Variants in BOD1L2 observed in about 807,000 individuals in gnomAD.
BOD1L2 encodes biorientation of chromosomes in cell division 1 like 2.
A neutral mutation model predicts 5.3 loss-of-function variants in BOD1L2; 6 were observed. That is an observed-to-expected ratio of 1.14 (90% CI 0.62 to 2.25). The LOEUF is 2.25. Ranked by LOEUF, BOD1L2 falls within the 30% of genes most tolerant of loss-of-function variation. The pLI is 0.00. For synonymous variants in BOD1L2, 96 were observed against 96.3 expected (o/e 1.00, Z 0.02); for missense variants, 210 against 227.2 (o/e 0.92, Z 0.49).
In BOD1L2 at chr18:57,150,045, T is replaced by G. The variant is rs2048947045; in HGVS notation, c.*2214T>G. The G allele has an allele frequency of 6.6e-6, 1 of 152,196 alleles. No individual in the cohort carries two copies. Among genetic ancestry groups the G allele is most frequent in the African/African-American group, 2.4e-5 (1 of 41,440 alleles). The allele number at this position is 152,196 out of a possible 1,614,324, so 9.4% of individuals were successfully genotyped here. On this transcript the variant is annotated 3_prime_UTR_variant, in exon 1 of 1. Coordinates refer to ENST00000585477, the MANE Select transcript of BOD1L2 (RefSeq NM_001257964.2). ...TACAGGTTGCTCAGCAAATGTGAAT[T>G]TCAGAGAAACAACAGATACTCTCCT...
chr18:57,147,111 C>A lies in BOD1L2; in HGVS notation c.-202C>A. The A allele has an allele frequency of 1.4e-6, 1 of 706,672 alleles. No individual in the cohort carries two copies. The highest frequency in any genetic ancestry group is 1.8e-6 in the Non-Finnish European group (1 of 556,174). The allele number at this position is 706,672 out of a possible 1,614,324, so 43.8% of individuals were successfully genotyped here. ...CAGGCGGTTGCTGCCGCGTCTTCCA[C>A]AACCTCCGCGGTCTGGAGCTGGCCT... On this transcript the variant is annotated 5_prime_UTR_variant, in exon 1 of 1. Coordinates refer to ENST00000585477, the MANE Select transcript of BOD1L2 (RefSeq NM_001257964.2).
rs2048938121 is a variant in BOD1L2 at position 57,148,293 on chromosome 18, T to C, written c.*462T>C. The C allele has an allele frequency of 6.3e-6, 1 of 158,372 alleles. No individual in the cohort carries two copies. The highest frequency in any genetic ancestry group is 1.4e-5 in the Non-Finnish European group (1 of 71,252). The allele number at this position is 158,372 out of a possible 1,614,324, so 9.8% of individuals were successfully genotyped here. A position where few individuals can be genotyped will look rare whatever the true frequency, so the allele number is the denominator to read the frequency against. On this transcript the variant is annotated 3_prime_UTR_variant, in exon 1 of 1. Transcript: ENST00000585477. The stretch of plus-strand genomic sequence containing the variant: ...AATATTTGACAGTACTTATTTGATA[T>C]TGTCTCTCAGAGTTGCAAACTAGAT...
chr18:57,147,798 G>C lies in BOD1L2; in HGVS notation c.486G>C (p.Gln162His). The change falls in exon 1 of 1, where the codon CAG becomes CAC. Residue 162 changes from glutamine to histidine, a missense_variant. By Grantham distance (24) the Gln-to-His change is conservative. Transcript: ENST00000585477. The stretch of plus-strand genomic sequence containing the variant: ...CACTCCCTCCAGAGCCAGAAGGCCA[G>C]GACCCTCCAGCTCCGTCTCAGGACA... ...VPALPPEPEG[Q>H]DPPAPSQDTS is the part of the protein sequence containing the mutation. The C allele has an allele frequency of 6.2e-7, 1 of 1,613,134 alleles. No individual in the cohort carries two copies. Among genetic ancestry groups the C allele is most frequent in the Non-Finnish European group, 8.5e-7 (1 of 1,179,670 alleles).
In BOD1L2 at chr18:57,147,612, T is replaced by A; in HGVS notation, c.300T>A (p.Asp100Glu). The change falls in exon 1 of 1, where the codon GAT (aspartate) becomes GAA (glutamate). Residue 100 changes from aspartate to glutamate, a missense_variant. Physicochemically the swap from Asp to Glu is conservative, Grantham distance 45. Coordinates refer to ENST00000585477, the MANE Select transcript of BOD1L2 (RefSeq NM_001257964.2). ...NPPANDNQLH[D>E]GLRQSVVQSG... The stretch of plus-strand genomic sequence containing the variant: ...CAGCAAACGACAACCAACTGCACGA[T>A]GGTCTGAGGCAGAGTGTGGTTCAGT... 2 of 1,613,304 alleles carry A rather than the reference T, an allele frequency of 1.2e-6. No individual in the cohort carries two copies. Among genetic ancestry groups the A allele is most frequent in the Non-Finnish European group, 1.7e-6 (2 of 1,180,026 alleles).
Position 57,147,364 on chromosome 18 carries a change from C to G in BOD1L2, c.52C>G (p.Arg18Gly). Residue 18 changes from arginine to glycine, a missense_variant, in exon 1 of 1, where the codon CGG becomes GGG. Physicochemically the swap from Arg to Gly is moderately radical, Grantham distance 125. Transcript: ENST00000585477. ...CGGCGGTGCGGGCCCGGCCTCGACC[C>G]GGGCCAGCGGGGGCGGCGGCCCCAT... ...GSGGAGPAST[R>G]ASGGGGPINP... 1 of 1,498,736 alleles carries G rather than the reference C, an allele frequency of 6.7e-7. No homozygotes were observed. The highest frequency in any genetic ancestry group is 1.4e-5 in the African/African-American group (1 of 71,840). 92.8% of individuals were successfully genotyped at this position (1,498,736 alleles called of 1,614,324 possible).
chr18:57,147,597 C>A lies in BOD1L2; in HGVS notation c.285C>A (p.Asp95Glu). The change falls in exon 1 of 1, where the codon GAC becomes GAA. Residue 95 changes from aspartate (D) to glutamate (E), a missense_variant. By Grantham distance (45) the Asp-to-Glu change is conservative. Coordinates refer to ENST00000585477, the MANE Select transcript of BOD1L2 (RefSeq NM_001257964.2). ...DKQEWNPPAN[D>E]NQLHDGLRQS... is the part of the protein sequence containing the mutation. ...AGGAATGGAATCCTCCAGCAAACGACAACCAACTGCACGATGGTCTGAGGC... is the reference window on the plus strand; with the variant it reads ...AGGAATGGAATCCTCCAGCAAACGAAAACCAACTGCACGATGGTCTGAGGC... 6.2e-7 allele frequency: 1 copy of A among 1,609,704 alleles called. No homozygotes were observed.
rs1301569256 is a variant in BOD1L2 at position 57,147,379 on chromosome 18, G to A, written c.67G>A (p.Gly23Ser). The part of the protein sequence containing the change: ...GPASTRASGG[G>S]GPINPASLPP... ...GGCCTCGACCCGGGCCAGCGGGGGC[G>A]GCGGCCCCATCAACCCGGCCTCGTT... Residue 23 changes from glycine to serine, a missense_variant, in exon 1 of 1, where the codon GGC becomes AGC. Coordinates refer to ENST00000585477, the MANE Select transcript of BOD1L2 (RefSeq NM_001257964.2). 7.9e-6 allele frequency: 12 copies of A among 1,522,910 alleles called. No homozygotes were observed. The highest frequency in any genetic ancestry group is 1.1e-5 in the Non-Finnish European group (12 of 1,139,508). 94.3% of individuals were successfully genotyped at this position (1,522,910 alleles called of 1,614,324 possible).
At position 57,147,320 on chromosome 18, in the gene BOD1L2, ACGGTGGCGG is replaced by A. The variant is rs2048926417; in HGVS notation, c.12_20del (p.Gly6_Gly8del). Reference sequence around the variant, plus strand: ...TGGGCCCGGTGCGCAGCCATGGCGGACGGTGGCGGCGGCGGCAGCGGCGGTGCGGGCCCG... The same window carrying A: ...TGGGCCCGGTGCGCAGCCATGGCGGACGGCGGCAGCGGCGGTGCGGGCCCG... On this transcript the variant is annotated inframe_deletion, in exon 1 of 1. Transcript: ENST00000585477. The A allele has an allele frequency of 2.5e-6, 3 of 1,183,338 alleles. No individual in the cohort carries two copies. In the African/African-American group the frequency reaches 4.9e-5, roughly 19 times the overall value. The allele number at this position is 1,183,338 out of a possible 1,614,324, so 73.3% of individuals were successfully genotyped here.
Position 57,148,818 on chromosome 18 carries a change from G to A in BOD1L2, c.*987G>A, listed in dbSNP as rs1032092186. The A allele has an allele frequency of 7.2e-5, 11 of 152,170 alleles. No homozygotes were observed. The highest frequency in any genetic ancestry group is 2.7e-4 in the African/African-American group (11 of 41,420). 9.4% of individuals were successfully genotyped at this position (152,170 alleles called of 1,614,324 possible). A position where few individuals can be genotyped will look rare whatever the true frequency, so the allele number is the denominator to read the frequency against. On this transcript the variant is annotated 3_prime_UTR_variant, in exon 1 of 1. Coordinates refer to ENST00000585477, the MANE Select transcript of BOD1L2 (RefSeq NM_001257964.2). The stretch of plus-strand genomic sequence containing the variant: ...TGTGTTCCCTCTGCTCACTGTGAAG[G>A]GAATGCCCTCAACCACTCCTACCCT...
rs1014288599 is a variant in BOD1L2, at chr18:57,149,055, A to G, written c.*1224A>G. 7.9e-5 allele frequency: 12 copies of G among 152,360 alleles called. No homozygotes were observed. Among genetic ancestry groups the G allele is most frequent in the African/African-American group, 2.9e-4 (12 of 41,590 alleles). The allele number at this position is 152,360 out of a possible 1,614,324, so 9.4% of individuals were successfully genotyped here. Reference sequence around the variant, plus strand: ...TAAGTCCTCATGATCTAATTGAAGAAATCGTATCTTTATTCCCATTTTTAT... The same window carrying G: ...TAAGTCCTCATGATCTAATTGAAGAGATCGTATCTTTATTCCCATTTTTAT... On this transcript the variant is annotated 3_prime_UTR_variant, in exon 1 of 1. Transcript: ENST00000585477.
In BOD1L2 at chr18:57,149,512, A is replaced by G. The variant is rs1044454548; in HGVS notation, c.*1681A>G. On this transcript the variant is annotated 3_prime_UTR_variant, in exon 1 of 1. Coordinates refer to ENST00000585477, the MANE Select transcript of BOD1L2 (RefSeq NM_001257964.2). Reference sequence around the variant, plus strand: ...GGTATTTTATCTGTAATGTTTACCTATGAGCTATTTTAAATGATTCTTCAA... The same window carrying G: ...GGTATTTTATCTGTAATGTTTACCTGTGAGCTATTTTAAATGATTCTTCAA... 2.0e-5 allele frequency: 3 copies of G among 152,240 alleles called. No homozygotes were observed. Among genetic ancestry groups the G allele is most frequent in the African/African-American group, 4.8e-5 (2 of 41,468 alleles). The allele number at this position is 152,240 out of a possible 1,614,324, so 9.4% of individuals were successfully genotyped here.
In BOD1L2 at chr18:57,147,145, G is replaced by C; in HGVS notation, c.-168G>C. The C allele has an allele frequency of 3.5e-5, 29 of 822,772 alleles. No individual in the cohort carries two copies. Among genetic ancestry groups the C allele is most frequent in the South Asian group, 5.9e-5 (1 of 17,094 alleles). 51.0% of individuals were successfully genotyped at this position (822,772 alleles called of 1,614,324 possible). On this transcript the variant is annotated 5_prime_UTR_variant, in exon 1 of 1. Transcript: ENST00000585477. Reference sequence around the variant, plus strand: ...CGGTCTGGAGCTGGCCTCCCCCACCGCCGCCCCAACCACCGGCCCCGCCGC... The same window carrying C: ...CGGTCTGGAGCTGGCCTCCCCCACCCCCGCCCCAACCACCGGCCCCGCCGC...
In BOD1L2 at chr18:57,147,836, A is replaced by G. The variant is rs62098672; in HGVS notation, c.*5A>G. 19,406 of 1,591,242 alleles carry G rather than the reference A, an allele frequency of 0.012. 312 individuals carry two copies. The highest frequency in any genetic ancestry group is 0.051 in the South Asian group (4,548 of 88,710). ...CCGTCTCAGGACACTTCCTAAGAATATGCCTGACAGCTTTTGAAAGCGCTA... is the reference window on the plus strand; with the variant it reads ...CCGTCTCAGGACACTTCCTAAGAATGTGCCTGACAGCTTTTGAAAGCGCTA... On this transcript the variant is annotated 3_prime_UTR_variant, in exon 1 of 1. Coordinates refer to ENST00000585477, the MANE Select transcript of BOD1L2 (RefSeq NM_001257964.2).
Position 57,148,452 on chromosome 18 carries a change from G to C in BOD1L2, c.*621G>C, listed in dbSNP as rs1429304858. On this transcript the variant is annotated 3_prime_UTR_variant, in exon 1 of 1. Coordinates refer to ENST00000585477, the MANE Select transcript of BOD1L2 (RefSeq NM_001257964.2). ...GAATGAGTGAGAAGTTCAGACATTAGGTATAAGGAAACTCATTTGCAGACT... is the reference window on the plus strand; with the variant it reads ...GAATGAGTGAGAAGTTCAGACATTACGTATAAGGAAACTCATTTGCAGACT... 1 of 150,290 alleles carries C rather than the reference G, an allele frequency of 6.7e-6. No homozygotes were observed. The highest frequency in any genetic ancestry group is 1.5e-5 in the Non-Finnish European group (1 of 67,500). 9.3% of individuals were successfully genotyped at this position (150,290 alleles called of 1,614,324 possible). A position where few individuals can be genotyped will look rare whatever the true frequency, so the allele number is the denominator to read the frequency against.
chr18:57,147,915 T>C lies in BOD1L2; in HGVS notation c.*84T>C. ...GTTACATAAGAGTGCAGTTTCAGATTGAAGATAAGCCAAGTTCATCACTGA... is the reference window on the plus strand; with the variant it reads ...GTTACATAAGAGTGCAGTTTCAGATCGAAGATAAGCCAAGTTCATCACTGA... On this transcript the variant is annotated 3_prime_UTR_variant, in exon 1 of 1. Transcript: ENST00000585477. 1 of 1,377,290 alleles carries C rather than the reference T, an allele frequency of 7.3e-7. No individual in the cohort carries two copies. Among genetic ancestry groups the C allele is most frequent in the Non-Finnish European group, 9.8e-7 (1 of 1,022,348 alleles). The allele number at this position is 1,377,290 out of a possible 1,614,324, so 85.3% of individuals were successfully genotyped here. A position where few individuals can be genotyped will look rare whatever the true frequency, so the allele number is the denominator to read the frequency against.
chr18:57,147,565 G>A lies in BOD1L2; in HGVS notation c.253G>A (p.Asp85Asn). Reference sequence around the variant, plus strand: ...GGATAATTTTGTGTCGACACATCTGGACAAGCAGGAATGGAATCCTCCAGC... The same window carrying A: ...GGATAATTTTGTGTCGACACATCTGAACAAGCAGGAATGGAATCCTCCAGC... Reference protein sequence around the residue: ...KADNFVSTHLDKQEWNPPAND... With the variant: ...KADNFVSTHLNKQEWNPPAND... The change falls in exon 1 of 1, where the codon GAC (aspartate) becomes AAC (asparagine). Residue 85 changes from aspartate (D) to asparagine (N), a missense_variant. Transcript: ENST00000585477. 1 of 1,612,642 alleles carries A rather than the reference G, an allele frequency of 6.2e-7. No individual in the cohort carries two copies. Among genetic ancestry groups the A allele is most frequent in the Non-Finnish European group, 8.5e-7 (1 of 1,179,576 alleles).
chr18:57,148,675 G>A lies in BOD1L2; in HGVS notation c.*844G>A, dbSNP rs1377507668. 1 of 152,176 alleles carries A rather than the reference G, an allele frequency of 6.6e-6. No individual in the cohort carries two copies. The highest frequency in any genetic ancestry group is 1.9e-4 in the East Asian group (1 of 5,200). The allele number at this position is 152,176 out of a possible 1,614,324, so 9.4% of individuals were successfully genotyped here. The stretch of plus-strand genomic sequence containing the variant: ...GTCAGTTTTCTGATATTTCTAGAAG[G>A]TCAGACACCTGGCATGGTTTATGAG... On this transcript the variant is annotated 3_prime_UTR_variant, in exon 1 of 1. Coordinates refer to ENST00000585477, the MANE Select transcript of BOD1L2 (RefSeq NM_001257964.2).
rs1190630245 is a variant in BOD1L2, at chr18:57,149,586, C to T, written c.*1755C>T. 6.6e-6 allele frequency: 1 copy of T among 152,168 alleles called. No homozygotes were observed. Among genetic ancestry groups the T allele is most frequent in the East Asian group, 1.9e-4 (1 of 5,198 alleles). 9.4% of individuals were successfully genotyped at this position (152,168 alleles called of 1,614,324 possible). Reference sequence around the variant, plus strand: ...GACCATGTCCTTTCTGAAAATGTCCCTTCCTTTCCCAGGTACCAGGCTCTT... The same window carrying T: ...GACCATGTCCTTTCTGAAAATGTCCTTTCCTTTCCCAGGTACCAGGCTCTT... On this transcript the variant is annotated 3_prime_UTR_variant, in exon 1 of 1. Coordinates refer to ENST00000585477, the MANE Select transcript of BOD1L2 (RefSeq NM_001257964.2).
rs1215618842 is a variant in BOD1L2, at chr18:57,149,364, ATT to A, written c.*1535_*1536del. ...ATTTGTAGAAAGAAACCAGTTCTGG[ATT>A]TGTCTTTTCCAACATTTAATTTCTC... On this transcript the variant is annotated 3_prime_UTR_variant, in exon 1 of 1. Coordinates refer to ENST00000585477, the MANE Select transcript of BOD1L2 (RefSeq NM_001257964.2). 1 of 152,196 alleles carries A rather than the reference ATT, an allele frequency of 6.6e-6. No homozygotes were observed. Among genetic ancestry groups the A allele is most frequent in the African/African-American group, 2.4e-5 (1 of 41,456 alleles). 9.4% of individuals were successfully genotyped at this position (152,196 alleles called of 1,614,324 possible).
Sources: allele counts gnomAD v4.1 joint callset, GRCh38; gene constraint gnomAD v4.1.1; transcripts MANE v1.5; gene names NCBI Gene and HGNC (gene_info 2026-07-23, HGNC 2026-07-21).